RAB3IP: variants seen among roughly 807,000 people sequenced by gnomAD.
RAB3IP encodes RAB3A interacting protein.
A neutral mutation model predicts 59.1 loss-of-function variants in RAB3IP; 36 were observed. The observed-to-expected ratio is 0.61, with a 90% CI of 0.47 to 0.80. RAB3IP has a LOEUF of 0.80. Among genes scored for constraint, RAB3IP ranks in the 30% least tolerant of loss-of-function variants. The pLI, the probability that RAB3IP is intolerant of heterozygous loss-of-function variation, is 0.00. For synonymous variants in RAB3IP, 207 were observed against 191.2 expected, an observed-to-expected ratio of 1.08 and a Z score of -0.68; for missense variants, 511 against 536.0, an observed-to-expected ratio of 0.95 and a Z score of 0.46.
chr12:69,808,866 G>C (rs1438065586), intron 8 of RAB3IP, among the ~76,000 whole-genome samples: 1 of 152,204 alleles, frequency 6.6e-6, no homozygotes, highest in Non-Finnish European at 1.5e-5. Context: ...TTGCCAGTCT[G>C]TGTCTTTTAA....
At chr12:69,792,092 G>A (rs1876718508) in intron 4 of RAB3IP, among the ~76,000 whole-genome samples, 1 of 152,108 alleles carries the variant, frequency 6.6e-6, no homozygotes, top group African/African-American at 2.4e-5. Flanking sequence ...ACTTATATGT[G>A]GAATCTAAAA....
intron 3 of RAB3IP, among the ~76,000 whole-genome samples, chr12:69,762,616 G>C (rs1204731806): frequency 6.6e-6 from 1 of 151,962 alleles, no homozygotes; most frequent in Non-Finnish European, 1.5e-5. Context: ...AATTAGCCAG[G>C]TGTGGTGGCA....
chr12:69,756,531 G>C lies in RAB3IP; in HGVS notation c.378G>C (p.Glu126Asp), dbSNP rs1592464345. 1.2e-6 allele frequency: 2 copies of C among 1,614,152 alleles called. No homozygotes were observed. The highest frequency in any genetic ancestry group is 4.5e-5 in the East Asian group (2 of 44,886). Residue 126 changes from glutamate to aspartate, a missense_variant, in exon 3 of 11, where the codon GAG becomes GAC. Physicochemically the swap from Glu to Asp is conservative, Grantham distance 45. Transcript: ENST00000247833. ...REFLQGATIT[E>D]ACDGSDDIFG... ...TTTTACAGGGTGCTACTATAACAGA[G>C]GCTTGCGATGGCAGTGATGATATTT...
At chr12:69,803,739 T>C (rs1053942444) in intron 8 of RAB3IP, among the ~76,000 whole-genome samples, 2 of 152,038 alleles carry the variant, frequency 1.3e-5, no homozygotes, top group African/African-American at 4.8e-5. Context: ...TGAGTGAGAA[T>C]GTGCGGTGTT....
Position 69,817,133 on chromosome 12 carries a change from G to T in RAB3IP, c.*1687G>T, listed in dbSNP as rs1053845724. 2.0e-5 allele frequency: 3 copies of T among 152,126 alleles called. No individual in the cohort carries two copies. Among genetic ancestry groups the T allele is most frequent in the Non-Finnish European group, 4.4e-5 (3 of 68,024 alleles). 9.4% of individuals were successfully genotyped at this position (152,126 alleles called of 1,614,324 possible). A position where few individuals can be genotyped will look rare whatever the true frequency, so the allele number is the denominator to read the frequency against. On this transcript the variant is annotated 3_prime_UTR_variant, in exon 11 of 11. Coordinates refer to ENST00000247833, the MANE Select transcript of RAB3IP (RefSeq NM_022456.5). Reference sequence around the variant, plus strand: ...AAACAAATCCAGGAGATACTGTACGGTTTGAAAGAAAGGTAATCAAATACT... The same window carrying T: ...AAACAAATCCAGGAGATACTGTACGTTTTGAAAGAAAGGTAATCAAATACT...
chr12:69,768,098 G>A (rs564683573), intron 3 of RAB3IP, among the ~76,000 whole-genome samples: 8 of 152,264 alleles, frequency 5.3e-5, no homozygotes, highest in African/African-American at 1.9e-4. Context: ...CTGAATGTCT[G>A]CAGATCTGCT....
At chr12:69,769,934 T>C (rs1872829589) in intron 3 of RAB3IP, among the ~76,000 whole-genome samples, 1 of 152,188 alleles carries the variant, frequency 6.6e-6, no homozygotes, top group African/African-American at 2.4e-5. Flanking sequence ...ATAAATTTAA[T>C]TGAATTATGT....
chr12:69,762,559 C>T (rs1315793461), intron 3 of RAB3IP, among the ~76,000 whole-genome samples: 1 of 151,954 alleles, frequency 6.6e-6, no homozygotes, highest in Admixed American at 6.6e-5. Flanking sequence ...AGATCGAGAC[C>T]ATCCTGGCTA....
At chr12:69,795,610 T>C (rs147975371) in intron 6 of RAB3IP, 48 of 521,658 alleles carry the variant, frequency 9.2e-5, no homozygotes, top group Non-Finnish European at 1.4e-4. Flanking sequence ...ATGTGTTGTC[T>C]AGAGGAGAGT....
chr12:69,814,099 A>G (rs1592638476), intron 10 of RAB3IP, among the ~76,000 whole-genome samples: 1 of 152,182 alleles, frequency 6.6e-6, no homozygotes, highest in Admixed American at 6.5e-5. Flanking sequence ...TTTTGACTTT[A>G]ATAAAACTGA....
rs1876637779 is a variant in RAB3IP at position 69,791,656 on chromosome 12, CA to C, written c.607-2777del. Among the ~76,000 whole-genome samples the C allele has an allele frequency of 7.9e-5, 12 of 152,176 alleles. No homozygotes were observed. The South Asian group carries it at 2.5e-3, about 32-fold the overall frequency. ...GGTTAGAATGGCTATTATCAAAATA[CA>C]AAAGATAGTAAATGTTGGCAAGGAT... On this transcript the variant is annotated intron_variant, in intron 4 of 10. Transcript: ENST00000247833.
chr12:69,748,987 A>G lies in RAB3IP; in HGVS notation c.-25-6397A>G, dbSNP rs535978003. Among the ~76,000 whole-genome samples the G allele has an allele frequency of 3.7e-4, 56 of 152,306 alleles. 1 individual carries two copies. The South Asian group carries it at 0.011, about 31-fold the overall frequency. On this transcript the variant is annotated intron_variant, in intron 1 of 10. Transcript: ENST00000247833. ...CTTTTCAGAAGTGACTTGAATTTAGACAGTATTTAAATGTATCCCCCAGAA... is the reference window on the plus strand; with the variant it reads ...CTTTTCAGAAGTGACTTGAATTTAGGCAGTATTTAAATGTATCCCCCAGAA...
intron 1 of RAB3IP, among the ~76,000 whole-genome samples, chr12:69,743,905 G>T (rs1040816594): frequency 9.3e-5 from 14 of 149,788 alleles, no homozygotes; most frequent in African/African-American, 3.2e-4. Context: ...AGCACCTGTT[G>T]AATGTTTAGT....
chr12:69,773,332 TTTTC>T (rs879771860), intron 3 of RAB3IP, among the ~76,000 whole-genome samples: 77 of 151,920 alleles, frequency 5.1e-4, no homozygotes, highest in Admixed American at 1.8e-3. Flanking sequence ...TGGATTTTAT[TTTTC>T]TTCAGGTTTT....
At chr12:69,803,560 A>G (rs1878732178) in intron 8 of RAB3IP, among the ~76,000 whole-genome samples, 1 of 151,868 alleles carries the variant, frequency 6.6e-6, no homozygotes. Context: ...GGTTTGTTAC[A>G]TATGTATACA....
At chr12:69,810,338 G>A (rs1041666653) in intron 8 of RAB3IP, among the ~76,000 whole-genome samples, 2 of 152,180 alleles carry the variant, frequency 1.3e-5, no homozygotes, top group Non-Finnish European at 2.9e-5. Flanking sequence ...TAGGCTACTC[G>A]GGGGTCAGGG....
At position 69,759,820 on chromosome 12, in the gene RAB3IP, G is replaced by A. The variant is rs1172294492; in HGVS notation, c.510+3157G>A. On this transcript the variant is annotated intron_variant, in intron 3 of 10. Coordinates refer to ENST00000247833, the MANE Select transcript of RAB3IP (RefSeq NM_022456.5). ...ACCTCCCACCTCCCTCCCGGACGGG[G>A]CGGCTGCCGGGCGGAGGGGCTCCTC... 2.0e-5 allele frequency among the ~76,000 whole-genome samples: 3 copies of A among 152,090 alleles called. No individual in the cohort carries two copies. In the East Asian group the frequency reaches 5.8e-4, roughly 30 times the overall value.
At chr12:69,770,386 C>G (rs1484223319) in intron 3 of RAB3IP, among the ~76,000 whole-genome samples, 1 of 152,178 alleles carries the variant, frequency 6.6e-6, no homozygotes, top group Non-Finnish European at 1.5e-5. Context: ...TTTAAATCAT[C>G]TCTACATTAC....
At position 69,815,841 on chromosome 12, in the gene RAB3IP, G is replaced by A. The variant is rs1336785937; in HGVS notation, c.*395G>A. The A allele has an allele frequency of 6.5e-6, 1 of 153,826 alleles. No homozygotes were observed. The highest frequency in any genetic ancestry group is 1.5e-5 in the Non-Finnish European group (1 of 68,878). The allele number at this position is 153,826 out of a possible 1,614,324, so 9.5% of individuals were successfully genotyped here. A position where few individuals can be genotyped will look rare whatever the true frequency, so the allele number is the denominator to read the frequency against. ...CTTCCTTGTGAGAGGCAAGAAAGAAGTCTGAGTGGATAGTACTCACTTTCC... is the reference window on the plus strand; with the variant it reads ...CTTCCTTGTGAGAGGCAAGAAAGAAATCTGAGTGGATAGTACTCACTTTCC... On this transcript the variant is annotated 3_prime_UTR_variant, in exon 11 of 11. Coordinates refer to ENST00000247833, the MANE Select transcript of RAB3IP (RefSeq NM_022456.5).
Sources: gnomAD v4.1 joint callset for allele counts (sites outside exome capture counted in the v4.1 genomes callset) on GRCh38, gnomAD v4.1.1 for gene constraint, MANE v1.5 for transcripts, NCBI Gene and HGNC (gene_info 2026-07-23, HGNC 2026-07-21) for gene names.